Variants in CACNA1C observed in about 807,000 individuals in gnomAD.
The protein encoded by CACNA1C is calcium voltage-gated channel subunit alpha1 C.
CACNA1C carries 30 observed loss-of-function variants against 229.0 expected under a neutral mutation model. That is an observed-to-expected ratio of 0.13 (90% confidence interval 0.10 to 0.18). The LOEUF is 0.18. Among genes scored for constraint, CACNA1C ranks in the 10% least tolerant of loss-of-function variants. The pLI, the probability that CACNA1C is intolerant of heterozygous loss-of-function variation, is 1.00. For synonymous variants in CACNA1C, 1,114 were observed against 1,132.5 expected, an observed-to-expected ratio of 0.98 and a Z score of 0.33; for missense variants, 1,658 against 2,845.0, an observed-to-expected ratio of 0.58 and a Z score of 9.49.
At chr12:2,682,419 C>T (rs1304461245) in intron 42 of CACNA1C, 131 bp from the exon 43 acceptor site, 2 of 1,063,786 alleles carry the variant, frequency 1.9e-6, no homozygotes, top group Admixed American at 4.2e-5. Context: ...TATGCCTGTT[C>T]ACGTGTGTGT....
At position 2,422,362 on chromosome 12, in the gene CACNA1C, A is replaced by G. The variant is rs58706681; in HGVS notation, c.478-26614A>G. 4.2e-3 allele frequency among the ~76,000 whole-genome samples: 644 copies of G among 152,310 alleles called. 5 individuals are homozygous for G. The highest frequency in any genetic ancestry group is 0.014 in the African/African-American group (579 of 41,566). On this transcript the variant is annotated intron_variant, in intron 3 of 46. Coordinates refer to ENST00000399655, the MANE Select transcript of CACNA1C (RefSeq NM_000719.7). ...CAGAATCATTTCTGCAGACAAGTCT[A>G]TGAACCAAGCTGAGCCTTCGTCCTT...
At position 2,504,055 on chromosome 12, in the gene CACNA1C, C is replaced by T. The variant is rs2099766363; in HGVS notation, c.1114-787C>T. On this transcript the variant is annotated intron_variant, in intron 7 of 46. Coordinates refer to ENST00000399655, the MANE Select transcript of CACNA1C (RefSeq NM_000719.7). The surrounding 1 kb of genome is among the most constrained non-coding windows in gnomAD (Gnocchi z 6.8). The stretch of plus-strand genomic sequence containing the variant: ...TTCATACACCAAGGTCAGGGGCCTC[C>T]GGGTGCAACAGAAGGCTTAATGTCC... 6.6e-6 allele frequency among the ~76,000 whole-genome samples: 1 copy of T among 152,210 alleles called. No homozygotes were observed. Among genetic ancestry groups the T allele is most frequent in the African/African-American group, 2.4e-5 (1 of 41,448 alleles).
intron 3 of CACNA1C, among the ~76,000 whole-genome samples, chr12:2,362,012 T>A (rs1165111498): frequency 2.0e-5 from 3 of 152,170 alleles, no homozygotes; most frequent in African/African-American, 7.2e-5. Context: ...AGAGTAATAA[T>A]CTCCACCCCG....
chr12:2,258,099 G>T (rs1016617695), intron 3 of CACNA1C, among the ~76,000 whole-genome samples: 1 of 152,190 alleles, frequency 6.6e-6, no homozygotes, highest in Non-Finnish European at 1.5e-5. Flanking sequence ...TGTGTTTGGG[G>T]TCTGCCCTGT....
intron 1 of CACNA1C, among the ~76,000 whole-genome samples, chr12:1,974,115 C>T (rs1490459966): frequency 6.6e-6 from 1 of 152,164 alleles, no homozygotes; most frequent in African/African-American, 2.4e-5. Flanking sequence ...ACAGCATGTG[C>T]AGACATTCAA....
intron 1 of CACNA1C, among the ~76,000 whole-genome samples, chr12:1,995,635 C>T (rs1407651950): frequency 6.6e-6 from 1 of 152,242 alleles, no homozygotes; most frequent in Non-Finnish European, 1.5e-5. Context: ...TGCAGCTGAG[C>T]TCCCTCCTGC....
intron 3 of CACNA1C, among the ~76,000 whole-genome samples, chr12:2,248,974 C>T (rs904031809): frequency 4.6e-5 from 7 of 152,136 alleles, no homozygotes; most frequent in Non-Finnish European, 1.0e-4. Context: ...TAAAATAGGC[C>T]CTCAGGAAAT....
Position 2,192,356 on chromosome 12 carries a change from C to T in CACNA1C, c.477+71926C>T, listed in dbSNP as rs186135256. Among the ~76,000 whole-genome samples, 60 of 152,322 alleles carry T rather than the reference C, an allele frequency of 3.9e-4. No individual in the cohort carries two copies. The East Asian group carries it at 0.011, about 27-fold the overall frequency. On this transcript the variant is annotated intron_variant, in intron 3 of 46. Transcript: ENST00000399655. The stretch of plus-strand genomic sequence containing the variant: ...CGCCCCCTGTTTTTGTTATACAGAG[C>T]AGTTCAGCCCTCTCCAGTCCCCACC...
intron 3 of CACNA1C, among the ~76,000 whole-genome samples, chr12:2,384,746 A>G (rs2098338398): frequency 6.6e-6 from 1 of 152,220 alleles, no homozygotes; most frequent in African/African-American, 2.4e-5. Context: ...GTATAGTACC[A>G]GTAGAGGCAC....
intron 3 of CACNA1C, among the ~76,000 whole-genome samples, chr12:2,365,494 A>C (rs1018925006): frequency 3.3e-5 from 5 of 152,238 alleles, no homozygotes; most frequent in African/African-American, 1.2e-4. Flanking sequence ...ATGCAGATTA[A>C]CAGATTGATG....
Position 2,651,833 on chromosome 12 carries a change from C to A in CACNA1C, c.4074+65C>A. ...GGCTGCCGCGTGGCCCAGAACACAG[C>A]TGACACAAGGAGGAGCCCTCCACTC... is the stretch of plus-strand genomic sequence containing the variant. On this transcript the variant is annotated intron_variant, in intron 32 of 46. Transcript: ENST00000399655. The surrounding 1 kb of genome is among the most constrained non-coding windows in gnomAD (Gnocchi z 5.4). The A allele has an allele frequency of 7.5e-7, 1 of 1,335,850 alleles. No homozygotes were observed. 82.7% of individuals were successfully genotyped at this position (1,335,850 alleles called of 1,614,324 possible).
At chr12:2,371,725 T>C (rs76924626) in intron 3 of CACNA1C, among the ~76,000 whole-genome samples, 11,010 of 63,114 alleles carry the variant, frequency 0.17, 843 homozygotes, top group African/African-American at 0.25. Context: ...GACATATGGC[T>C]TTTTTTTTTT....
chr12:2,063,014 A>G (rs1037661915), intron 1 of CACNA1C, among the ~76,000 whole-genome samples: 5 of 152,060 alleles, frequency 3.3e-5, no homozygotes, highest in Admixed American at 6.5e-5. Context: ...TACTTCCCCA[A>G]TATTTTCATC....
At chr12:2,472,577 T>C (rs992525909) in intron 5 of CACNA1C, among the ~76,000 whole-genome samples, 2 of 152,088 alleles carry the variant, frequency 1.3e-5, no homozygotes, top group African/African-American at 2.4e-5. Context: ...TATCTATATA[T>C]GGATACATAT....
chr12:2,102,022 A>T (rs1188442255), intron 1 of CACNA1C, among the ~76,000 whole-genome samples: 2 of 152,304 alleles, frequency 1.3e-5, no homozygotes, highest in East Asian at 3.9e-4. Flanking sequence ...TAGTGTGCAC[A>T]TACCACACTC....
intron 22 of CACNA1C, among the ~76,000 whole-genome samples, chr12:2,604,220 G>A (rs2074194878): frequency 6.6e-6 from 1 of 152,196 alleles, no homozygotes. Flanking sequence ...CCCATCTTGG[G>A]GAAGAGGGAT....
intron 1 of CACNA1C, among the ~76,000 whole-genome samples, chr12:2,041,114 A>G (rs766381703): frequency 1.9e-4 from 29 of 152,280 alleles, no homozygotes; most frequent in Non-Finnish European, 3.5e-4. Flanking sequence ...AAAGGGTAGA[A>G]ATAGGCAGTG....
chr12:2,451,946 T>C (rs1039099937), intron 4 of CACNA1C, among the ~76,000 whole-genome samples: 7 of 152,342 alleles, frequency 4.6e-5, no homozygotes, highest in African/African-American at 1.7e-4. Context: ...CCCATTCTTG[T>C]AACAATCCCC....
At chr12:2,330,622 A>G (rs968448118) in intron 3 of CACNA1C, among the ~76,000 whole-genome samples, 1 of 152,232 alleles carries the variant, frequency 6.6e-6, no homozygotes, top group Non-Finnish European at 1.5e-5. Flanking sequence ...GTCCTAAATT[A>G]TGTGGGACTA....
Sources: allele counts gnomAD v4.1 joint callset (sites outside exome capture counted in the v4.1 genomes callset), GRCh38; gene constraint gnomAD v4.1.1; non-coding constraint Gnocchi (gnomAD v3.1); transcripts MANE v1.5; gene names NCBI Gene and HGNC (gene_info 2026-07-23, HGNC 2026-07-21).